TTC29: variants seen among roughly 807,000 people sequenced by gnomAD.
TTC29 encodes the protein tetratricopeptide repeat protein 29.
Under a neutral mutation model 58.1 loss-of-function variants are expected in TTC29, and 49 were observed. That is an observed-to-expected ratio of 0.84 (90% CI 0.67 to 1.07). The LOEUF is 1.07. Among genes scored for constraint, TTC29 ranks in the 50% least tolerant of loss-of-function variants. The pLI, the probability that TTC29 is intolerant of heterozygous loss-of-function variation, is 0.00. For missense variants in TTC29, 582 were observed against 555.6 expected, an observed-to-expected ratio of 1.05 and a Z score of -0.48; for synonymous variants, 209 against 196.8, an observed-to-expected ratio of 1.06 and a Z score of -0.52.
intron 8 of TTC29, among the ~76,000 whole-genome samples, chr4:146,843,525 G>A (rs950120860): frequency 3.9e-5 from 6 of 152,052 alleles, no homozygotes; most frequent in South Asian, 2.1e-4. Flanking sequence ...GGTCAAGGGC[G>A]GGAAGGGCTG....
chr4:146,843,366 C>A (rs991587894), intron 8 of TTC29, among the ~76,000 whole-genome samples: 1 of 152,174 alleles, frequency 6.6e-6, no homozygotes, highest in Non-Finnish European at 1.5e-5. Flanking sequence ...AAACTACACT[C>A]TTAAACTGGG....
chr4:146,817,899 G>A (rs1206541570), intron 10 of TTC29, among the ~76,000 whole-genome samples: 1 of 152,140 alleles, frequency 6.6e-6, no homozygotes, highest in Non-Finnish European at 1.5e-5. Context: ...GCTGAAACTG[G>A]ATCCCTTCCT....
chr4:146,874,124 A>G (rs1731103812), intron 7 of TTC29, among the ~76,000 whole-genome samples: 1 of 152,174 alleles, frequency 6.6e-6, no homozygotes, highest in Admixed American at 6.6e-5. Context: ...TACTGCTTTA[A>G]GTGTGCATAT....
chr4:146,747,922 C>T (rs1180332762), intron 11 of TTC29, among the ~76,000 whole-genome samples: 3 of 152,338 alleles, frequency 2.0e-5, no homozygotes, highest in South Asian at 2.1e-4. Context: ...AGGCACCTTG[C>T]CTCTCTGGGG....
chr4:146,826,989 T>C (rs1338353785), intron 9 of TTC29, among the ~76,000 whole-genome samples: 1 of 152,074 alleles, frequency 6.6e-6, no homozygotes. Context: ...TTATTCTAGT[T>C]AGGAATTCCT....
At chr4:146,917,170 A>T (rs1734277404) in intron 4 of TTC29, among the ~76,000 whole-genome samples, 1 of 150,900 alleles carries the variant, frequency 6.6e-6, no homozygotes, top group African/African-American at 2.4e-5. Context: ...CAAAAAGTAG[A>T]ATTTATTATA....
chr4:146,722,423 T>C (rs1009505882), intron 11 of TTC29, among the ~76,000 whole-genome samples: 1 of 152,054 alleles, frequency 6.6e-6, no homozygotes, highest in African/African-American at 2.4e-5. Flanking sequence ...CTTCAAACTA[T>C]ACCATAAGGC....
chr4:146,805,119 T>G (rs1380938342), intron 10 of TTC29, among the ~76,000 whole-genome samples: 4 of 151,914 alleles, frequency 2.6e-5, no homozygotes, highest in Non-Finnish European at 4.4e-5. Flanking sequence ...TCCAGCAAAC[T>G]CCAGCAGCCC....
chr4:146,873,831 A>T (rs1731086150), intron 7 of TTC29, among the ~76,000 whole-genome samples: 1 of 152,196 alleles, frequency 6.6e-6, no homozygotes, highest in Non-Finnish European at 1.5e-5. Context: ...CACCCAGAAA[A>T]TCAGTCCTGC....
intron 4 of TTC29, among the ~76,000 whole-genome samples, chr4:146,918,213 T>C (rs895826264): frequency 1.3e-5 from 2 of 151,062 alleles, no homozygotes; most frequent in East Asian, 1.9e-4. Context: ...AAAGTATATA[T>C]ACAAATTGAA....
chr4:146,940,049 C>G, intron 2 of TTC29, 148 bp from the exon 3 acceptor site: 2 of 706,600 alleles, frequency 2.8e-6, no homozygotes, highest in Non-Finnish European at 4.2e-6. Context: ...GAATCATGCT[C>G]AGTGAGTGGA....
intron 7 of TTC29, among the ~76,000 whole-genome samples, chr4:146,869,764 T>C (rs1490756943): frequency 6.6e-6 from 1 of 152,164 alleles, no homozygotes; most frequent in Non-Finnish European, 1.5e-5. Context: ...TGATACAGTT[T>C]GGAAACACCA....
intron 11 of TTC29, among the ~76,000 whole-genome samples, chr4:146,759,645 A>T (rs752345614): frequency 1.6e-4 from 25 of 152,162 alleles, no homozygotes; most frequent in Non-Finnish European, 2.8e-4. Context: ...ACAAGTCAAT[A>T]AATGTGATAC....
At chr4:146,732,662 A>G (rs1407157925) in intron 11 of TTC29, among the ~76,000 whole-genome samples, 1 of 152,154 alleles carries the variant, frequency 6.6e-6, no homozygotes, top group Non-Finnish European at 1.5e-5. Context: ...GAAGTGAGAG[A>G]AGAAAATATT....
Position 146,818,872 on chromosome 4 carries a change from G to A in TTC29, c.1101+1253C>T, listed in dbSNP as rs958606787. 2.5e-4 allele frequency among the ~76,000 whole-genome samples: 38 copies of A among 152,042 alleles called. No homozygotes were observed. The South Asian group carries it at 7.7e-3, about 31-fold the overall frequency. Reference sequence around the variant, plus strand: ...CACCGCATGTTCTCACTCATAGATGGGAATTGAACAATGAGAACACATGGA... The same window carrying A: ...CACCGCATGTTCTCACTCATAGATGAGAATTGAACAATGAGAACACATGGA... On this transcript the variant is annotated intron_variant, in intron 10 of 12. Transcript: ENST00000325106.
intron 4 of TTC29, among the ~76,000 whole-genome samples, chr4:146,911,239 G>A (rs1733876379): frequency 6.6e-6 from 1 of 152,192 alleles, no homozygotes; most frequent in Non-Finnish European, 1.5e-5. Flanking sequence ...TAATATTCCA[G>A]TGGGCATCAT....
chr4:146,785,372 A>G (rs1291617652), intron 11 of TTC29, among the ~76,000 whole-genome samples: 2 of 152,144 alleles, frequency 1.3e-5, no homozygotes, highest in Non-Finnish European at 2.9e-5. Flanking sequence ...GGAGGTTGCC[A>G]CTGCCTCAAA....
At chr4:146,811,992 C>T (rs1279169276) in intron 10 of TTC29, among the ~76,000 whole-genome samples, 1 of 151,976 alleles carries the variant, frequency 6.6e-6, no homozygotes, top group East Asian at 1.9e-4. Context: ...AATTCTTTCT[C>T]TTTCTTCAAG....
At chr4:146,806,029 G>A (rs1034537380) in intron 10 of TTC29, among the ~76,000 whole-genome samples, 6 of 152,176 alleles carry the variant, frequency 3.9e-5, no homozygotes, top group African/African-American at 9.7e-5. Context: ...GACTAACAGC[G>A]GATCTCTCTG....
Sources: gnomAD v4.1 joint callset for allele counts (sites outside exome capture counted in the v4.1 genomes callset) on GRCh38, gnomAD v4.1.1 for gene constraint, MANE v1.5 for transcripts, NCBI Gene and HGNC (gene_info 2026-07-23, HGNC 2026-07-21) for gene names.